The following SULT6B1 variants were observed in gnomAD, a reference collection of about 807,000 sequenced individuals.
The protein encoded by SULT6B1 is sulfotransferase 6B1.
SULT6B1 carries 44 observed loss-of-function variants against 37.2 expected under a neutral mutation model. The observed-to-expected ratio is 1.18, with a 90% confidence interval of 0.93 to 1.52. SULT6B1 has a LOEUF of 1.52. Ranked by LOEUF, SULT6B1 falls within the 40% of genes most tolerant of loss-of-function variation. The pLI is 0.00. For synonymous variants in SULT6B1, 140 were observed against 126.0 expected (o/e 1.11, Z -0.74); for missense variants, 450 against 361.0 (o/e 1.25, Z -2.00).
At position 37,187,374 on chromosome 2, in the gene SULT6B1, C is replaced by T. The variant is rs1436358655; in HGVS notation, c.293G>A (p.Gly98Glu). The change falls in exon 2 of 7, where the codon GGG becomes GAG. Residue 98 changes from glycine (G) to glutamate (E), a missense_variant. By Grantham distance (98) the Gly-to-Glu change is moderately conservative (BLOSUM62 -2). Transcript: ENST00000535679. ...ACTAACCTGATATTTTTCTGAATCC[C>T]CACATTCAAGAACTGGGAATTCTGG... ...KYPEFPVLEC[G>E]DSEKYQRMKG... is the part of the protein sequence containing the mutation. The T allele has an allele frequency of 6.3e-7, 1 of 1,599,760 alleles. No individual in the cohort carries two copies. The highest frequency in any genetic ancestry group is 8.6e-7 in the Non-Finnish European group (1 of 1,169,094).
At chr2:37,193,565 CAA>C (rs1171019443), upstream of SULT6B1, among the ~76,000 whole-genome samples, 4 of 56,512 alleles carry the variant, frequency 7.1e-5, no homozygotes, top group East Asian at 8.4e-4. Context: ...AGACATTTAC[CAA>C]AAAAAAAAGA....
upstream of SULT6B1, chr2:37,190,026 C>T (rs1353863375): frequency 3.3e-5 from 5 of 152,238 alleles, no homozygotes; most frequent in East Asian, 9.6e-4. Context: ...ATGACTCACA[C>T]TGTGTAACAG....
In SULT6B1 at chr2:37,179,451, G is replaced by A. The variant is rs765042656; in HGVS notation, c.529+7C>T. The A allele has an allele frequency of 2.5e-6, 4 of 1,613,184 alleles. No individual in the cohort carries two copies. Among genetic ancestry groups the A allele is most frequent in the South Asian group, 2.2e-5 (2 of 90,866 alleles). On this transcript the variant is annotated splice_region_variant and intron_variant, in intron 4 of 6. Coordinates refer to ENST00000535679, the MANE Select transcript of SULT6B1 (RefSeq NM_001367551.1). The stretch of plus-strand genomic sequence containing the variant: ...AGTAAGAATAATTCTTTTACCAACA[G>A]CCATACCTTGTCCTTTCATGAACTG...
At chr2:37,188,079 TG>T (rs1676711346) in intron 1 of SULT6B1, among the ~76,000 whole-genome samples, 1 of 152,220 alleles carries the variant, frequency 6.6e-6, no homozygotes, top group African/African-American at 2.4e-5. Flanking sequence ...TAGAAGTGGC[TG>T]TGCTTTTGTC....
In SULT6B1 at chr2:37,179,382, C is replaced by G. The variant is rs956205057; in HGVS notation, c.529+76G>C. 7 of 1,579,920 alleles carry G rather than the reference C, an allele frequency of 4.4e-6. No individual in the cohort carries two copies. In the African/African-American group the frequency reaches 9.5e-5, roughly 21 times the overall value. On this transcript the variant is annotated intron_variant, in intron 4 of 6. Transcript: ENST00000535679. ...TCTACCTAAATCTTCTTCCTTTACC[C>G]TAAAACACATTTGGGTTTTCACATT...
intron 1 of SULT6B1, chr2:37,194,747 C>T (rs143482506): frequency 5.9e-6 from 1 of 169,490 alleles, no homozygotes; most frequent in African/African-American, 2.4e-5. Context: ...TTCTGCTAGG[C>T]CCAAGTTGGT....
intron 4 of SULT6B1, 93 bp downstream of exon 4, chr2:37,179,365 A>C: frequency 6.5e-7 from 1 of 1,535,054 alleles, no homozygotes; most frequent in Non-Finnish European, 8.8e-7. Context: ...GATCTACCTA[A>C]ATCTTCTTCC....
In SULT6B1 at chr2:37,175,094, C is replaced by T. The variant is rs375956038; in HGVS notation, c.624+38G>A. The T allele has an allele frequency of 1.9e-5, 24 of 1,279,414 alleles. No homozygotes were observed. In the African/African-American group the frequency reaches 3.4e-4, roughly 18 times the overall value. The allele number at this position is 1,279,414 out of a possible 1,614,324, so 79.3% of individuals were successfully genotyped here. On this transcript the variant is annotated intron_variant, in intron 5 of 6. Transcript: ENST00000535679. The stretch of plus-strand genomic sequence containing the variant: ...AGTAAGTGCTCTACGTTGTAGTTTA[C>T]AATAAATTTTGCTCTAAAATATCAA...
At chr2:37,180,885 A>G (rs1356499271) in intron 3 of SULT6B1, among the ~76,000 whole-genome samples, 1 of 152,202 alleles carries the variant, frequency 6.6e-6, no homozygotes, top group Non-Finnish European at 1.5e-5. Flanking sequence ...CTCCATCTCA[A>G]CAATAACAAC....
chr2:37,194,656 T>A, intron 1 of SULT6B1: 1 of 274,212 alleles, frequency 3.6e-6, no homozygotes, highest in South Asian at 3.9e-5. Flanking sequence ...TGCTTGTGAA[T>A]GTTGGTGTAT....
At position 37,171,704 on chromosome 2, in the gene SULT6B1, C is replaced by T. The variant is rs189163131; in HGVS notation, c.625-114G>A. On this transcript the variant is annotated intron_variant, in intron 5 of 6. Transcript: ENST00000535679. ...AGCCTAACTCCCTAGTTCATCTCAT[C>T]CCCCACTTTAAACTTAGAGTACTTT... 57 of 891,054 alleles carry T rather than the reference C, an allele frequency of 6.4e-5. No homozygotes were observed. The African/African-American group carries it at 8.6e-4, about 13-fold the overall frequency. 55.2% of individuals were successfully genotyped at this position (891,054 alleles called of 1,614,324 possible).
intron 5 of SULT6B1, 90 bp from the exon 6 acceptor site, chr2:37,171,680 G>A (rs1676306847): frequency 8.0e-7 from 1 of 1,244,944 alleles, no homozygotes; most frequent in South Asian, 1.5e-5. Context: ...GAGTTATTCA[G>A]CCTAACTCCC....
At position 37,171,458 on chromosome 2, in the gene SULT6B1, C is replaced by G; in HGVS notation, c.757G>C (p.Val253Leu). 6.2e-7 allele frequency: 1 copy of G among 1,613,880 alleles called. No homozygotes were observed. The highest frequency in any genetic ancestry group is 8.5e-7 in the Non-Finnish European group (1 of 1,179,918). The change falls in exon 6 of 7, where the codon GTC (valine) becomes CTC (leucine). Residue 253 changes from valine to leucine, a missense_variant. Coordinates refer to ENST00000535679, the MANE Select transcript of SULT6B1 (RefSeq NM_001367551.1). ...RAKSQDTHGA[V>L]GPFLFRKGEV... is the part of the protein sequence containing the mutation. Reference sequence around the variant, plus strand: ...CCTTTGCGGAAAAGGAATGGGCCGACAGCACCGTGTGTGTCCTGAGACTTC... The same window carrying G: ...CCTTTGCGGAAAAGGAATGGGCCGAGAGCACCGTGTGTGTCCTGAGACTTC...
chr2:37,174,894 G>T (rs1369614147), intron 5 of SULT6B1, among the ~76,000 whole-genome samples: 1 of 151,900 alleles, frequency 6.6e-6, no homozygotes, highest in African/African-American at 2.4e-5. Flanking sequence ...CATCATAAAG[G>T]GAAAATAAAG....
At chr2:37,191,491 T>A (rs1437369965), upstream of SULT6B1, among the ~76,000 whole-genome samples, 4 of 152,296 alleles carry the variant, frequency 2.6e-5, no homozygotes, top group East Asian at 5.8e-4. Context: ...TTGTGTGGGT[T>A]GGCTGCAGGC....
upstream of SULT6B1, among the ~76,000 whole-genome samples, chr2:37,189,706 G>A (rs1676744305): frequency 6.6e-6 from 1 of 152,180 alleles, no homozygotes; most frequent in Non-Finnish European, 1.5e-5. Flanking sequence ...CGTGTGCGGG[G>A]AAGGTGCTTC....
At chr2:37,172,092 G>T (rs1303185297) in intron 5 of SULT6B1, among the ~76,000 whole-genome samples, 2 of 149,620 alleles carry the variant, frequency 1.3e-5, no homozygotes, top group Non-Finnish European at 2.9e-5. Flanking sequence ...CTGCTGCCCA[G>T]ACTAGAGTGG....
At position 37,179,579 on chromosome 2, in the gene SULT6B1, C is replaced by G; in HGVS notation, c.408G>C (p.Leu136Phe). 6.2e-7 allele frequency: 1 copy of G among 1,610,492 alleles called. No individual in the cohort carries two copies. Among genetic ancestry groups the G allele is most frequent in the South Asian group, 1.1e-5 (1 of 90,162 alleles). Reference protein sequence around the residue: ...GSIFENKAKILVIFRNPKDTA... With the variant: ...GSIFENKAKIFVIFRNPKDTA... ...TATCTTTAGGGTTTCGAAATATCACCAATATCTAGGGAGCAAAAATTGAGT... is the reference window on the plus strand; with the variant it reads ...TATCTTTAGGGTTTCGAAATATCACGAATATCTAGGGAGCAAAAATTGAGT... Residue 136 changes from leucine (L) to phenylalanine (F), a missense_variant, in exon 4 of 7, where the codon TTG (leucine) becomes TTC (phenylalanine). Transcript: ENST00000535679.
intron 6 of SULT6B1, 87 bp from the exon 7 acceptor site, chr2:37,168,152 G>C: frequency 3.0e-6 from 4 of 1,314,734 alleles, no homozygotes; most frequent in Non-Finnish European, 4.1e-6. Context: ...ATTTCACTCT[G>C]ATATGTTAAA....
Sources: gnomAD v4.1 joint callset for allele counts (sites outside exome capture counted in the v4.1 genomes callset) on GRCh38, gnomAD v4.1.1 for gene constraint, MANE v1.5 for transcripts, NCBI Gene and HGNC (gene_info 2026-07-23, HGNC 2026-07-21) for gene names.